Variants in ABCC2 observed in about 807,000 individuals in gnomAD.
ABCC2 encodes ATP-binding cassette sub-family C member 2.
A neutral mutation model predicts 173.4 loss-of-function variants in ABCC2; 157 were observed. That is an observed-to-expected ratio of 0.91 (90% CI 0.80 to 1.03). ABCC2 has a LOEUF of 1.03. ABCC2 is among the 50% of genes least tolerant of loss of function. The pLI is 0.00. For synonymous variants in ABCC2, 657 were observed against 693.5 expected, an observed-to-expected ratio of 0.95 and a Z score of 0.83; for missense variants, 1,822 against 1,852.3, an observed-to-expected ratio of 0.98 and a Z score of 0.30.
At chr10:99,848,638 C>A (rs890314049) in intron 30 of ABCC2, among the ~76,000 whole-genome samples, 8 of 152,172 alleles carry the variant, frequency 5.3e-5, no homozygotes, top group African/African-American at 1.7e-4. Flanking sequence ...AGCAAGATTC[C>A]CAGGTGATTT....
chr10:99,850,924 CTT>C, intron 31 of ABCC2, 128 bp downstream of exon 31: 2 of 1,198,894 alleles, frequency 1.7e-6, no homozygotes, highest in Non-Finnish European at 2.4e-6. Context: ...GAAACTGAGA[CTT>C]AGAGATGTCA....
intron 2 of ABCC2, among the ~76,000 whole-genome samples, chr10:99,791,857 T>C (rs1159386699): frequency 6.6e-6 from 1 of 152,206 alleles, no homozygotes; most frequent in African/African-American, 2.4e-5. Context: ...TCCACATTGC[T>C]TTTTTATGCC....
intron 26 of ABCC2, among the ~76,000 whole-genome samples, chr10:99,843,165 C>G (rs2038971135): frequency 6.6e-6 from 1 of 152,134 alleles, no homozygotes; most frequent in Non-Finnish European, 1.5e-5. Context: ...CCCTTTCATA[C>G]CCCCATTTCT....
rs570053492 is a variant in ABCC2 at position 99,849,161 on chromosome 10, C to T, written c.4314-1441C>T. ...AGGAGAATCGCTTGAACCCGGGTGG[C>T]GGAGGTTGTGGTGAGCTGAGATTGC... On this transcript the variant is annotated intron_variant, in intron 30 of 31. Coordinates refer to ENST00000647814, the MANE Select transcript of ABCC2 (RefSeq NM_000392.5). Among the ~76,000 whole-genome samples the T allele has an allele frequency of 7.2e-5, 11 of 152,264 alleles. No homozygotes were observed. The East Asian group carries it at 1.4e-3, about 19-fold the overall frequency.
chr10:99,832,833 G>A (rs2038762523), intron 23 of ABCC2, among the ~76,000 whole-genome samples: 1 of 152,160 alleles, frequency 6.6e-6, no homozygotes, highest in African/African-American at 2.4e-5. Flanking sequence ...AACCGTTATT[G>A]AGCACTTTCT....
At position 99,850,719 on chromosome 10, in the gene ABCC2, G is replaced by A. The variant is rs146718433; in HGVS notation, c.4431G>A (p.Thr1477=). The A allele has an allele frequency of 9.3e-6, 15 of 1,614,032 alleles. No individual in the cohort carries two copies. The highest frequency in any genetic ancestry group is 5.3e-5 in the African/African-American group (4 of 74,924). The change falls in exon 31 of 32, where the codon ACG becomes ACA. Residue 1477 remains threonine, a synonymous_variant. Transcript: ENST00000647814. ...TAGAGACAGACAACCTCATTCAGACGACCATCCAAAACGAGTTCGCCCACT... is the reference window on the plus strand; with the variant it reads ...TAGAGACAGACAACCTCATTCAGACAACCATCCAAAACGAGTTCGCCCACT... ...VDLETDNLIQ[T]TIQNEFAHCT... is the part of the protein sequence containing the mutation.
chr10:99,812,536 G>A (rs2038233814), intron 15 of ABCC2, among the ~76,000 whole-genome samples: 1 of 152,170 alleles, frequency 6.6e-6, no homozygotes. Context: ...AAATGTTCCA[G>A]GTGACACATT....
Position 99,847,148 on chromosome 10 carries a change from A to C in ABCC2, c.4313+21A>C, listed in dbSNP as rs201268485. 3.8e-5 allele frequency: 62 copies of C among 1,613,284 alleles called. 1 individual carries two copies. The Admixed American group carries it at 8.7e-4, about 23-fold the overall frequency. ...CTGAGGTAATGTTCCATAGCCTGCTACCCCTGCAGGCAATGAGAGGATGTG... is the reference window on the plus strand; with the variant it reads ...CTGAGGTAATGTTCCATAGCCTGCTCCCCCTGCAGGCAATGAGAGGATGTG... On this transcript the variant is annotated intron_variant, in intron 30 of 31. Coordinates refer to ENST00000647814, the MANE Select transcript of ABCC2 (RefSeq NM_000392.5).
intron 16 of ABCC2, among the ~76,000 whole-genome samples, chr10:99,814,394 G>T (rs1188911238): frequency 7.7e-6 from 1 of 129,808 alleles, no homozygotes; most frequent in Non-Finnish European, 1.7e-5. Context: ...TACATATATG[G>T]GTATATATAC....
chr10:99,807,662 C>A, intron 12 of ABCC2, 141 bp downstream of exon 12: 1 of 1,222,952 alleles, frequency 8.2e-7, no homozygotes, highest in East Asian at 2.4e-5. Context: ...TCTCACCGCC[C>A]CATGCCACTT....
chr10:99,820,529 G>A (rs1285695260), intron 19 of ABCC2, among the ~76,000 whole-genome samples: 4 of 152,158 alleles, frequency 2.6e-5, no homozygotes, highest in Non-Finnish European at 4.4e-5. Flanking sequence ...AGGCCAAGGC[G>A]GAAGGATCAC....
chr10:99,799,191 T>C lies in ABCC2; in HGVS notation c.868-16T>C, dbSNP rs768001720. The C allele has an allele frequency of 1.9e-6, 3 of 1,613,658 alleles. No homozygotes were observed. Among genetic ancestry groups the C allele is most frequent in the African/African-American group, 2.7e-5 (2 of 74,892 alleles). On this transcript the variant is annotated splice_polypyrimidine_tract_variant and intron_variant, in intron 7 of 31. Transcript: ENST00000647814. ...GACATAACTCTGTGGACACTGTTGT[T>C]TGGTTTTGTACCTAGGAAGATGTTG...
At chr10:99,809,454 T>C (rs2038171559) in intron 13 of ABCC2, among the ~76,000 whole-genome samples, 1 of 152,136 alleles carries the variant, frequency 6.6e-6, no homozygotes, top group Non-Finnish European at 1.5e-5. Context: ...AGCAGTTAAG[T>C]GGTTCTATAG....
intron 1 of ABCC2, among the ~76,000 whole-genome samples, chr10:99,783,723 C>T (rs1025772137): frequency 1.1e-4 from 16 of 152,108 alleles, no homozygotes; most frequent in African/African-American, 3.6e-4. Context: ...GGCAGCACCT[C>T]GTGTCTTAGA....
chr10:99,797,242 C>G lies in ABCC2; in HGVS notation c.778C>G (p.Arg260Gly). 1 of 1,614,062 alleles carries G rather than the reference C, an allele frequency of 6.2e-7. No individual in the cohort carries two copies. Among genetic ancestry groups the G allele is most frequent in the Non-Finnish European group, 8.5e-7 (1 of 1,179,988 alleles). ...GAAAGCCAGGCGGGCACTCCAGAGACGGCAGGAGAAGAGCTCCCAGCAGAA... is the reference window on the plus strand; with the variant it reads ...GAAAGCCAGGCGGGCACTCCAGAGAGGGCAGGAGAAGAGCTCCCAGCAGAA... Reference protein sequence around the residue: ...LQKARRALQRRQEKSSQQNSG... With the variant: ...LQKARRALQRGQEKSSQQNSG... Residue 260 changes from arginine (R) to glycine (G), a missense_variant, in exon 7 of 32, where the codon CGG becomes GGG. By Grantham distance (125) the Arg-to-Gly change is moderately radical. Transcript: ENST00000647814.
intron 19 of ABCC2, among the ~76,000 whole-genome samples, chr10:99,827,331 T>G (rs1350636481): frequency 1.3e-5 from 2 of 152,062 alleles, no homozygotes; most frequent in East Asian, 3.8e-4. Context: ...TCCTTCTAAT[T>G]TTAACGTTTC....
chr10:99,831,000 G>T, intron 21 of ABCC2, 149 bp downstream of exon 21: 1 of 880,426 alleles, frequency 1.1e-6, no homozygotes. Flanking sequence ...TAACCTGTTA[G>T]CAGAGGCTGT....
At position 99,837,302 on chromosome 10, in the gene ABCC2, A is replaced by AT. The variant is rs554493367; in HGVS notation, c.3614+1020dup. 3.8e-3 allele frequency among the ~76,000 whole-genome samples: 392 copies of AT among 102,140 alleles called. 1 individual carries two copies. The highest frequency in any genetic ancestry group is 0.012 in the African/African-American group (323 of 26,270). 67.0% of individuals were successfully genotyped at this position (102,140 alleles called of 152,430 possible). A position where few individuals can be genotyped will look rare whatever the true frequency, so the allele number is the denominator to read the frequency against. On this transcript the variant is annotated intron_variant, in intron 25 of 31. Coordinates refer to ENST00000647814, the MANE Select transcript of ABCC2 (RefSeq NM_000392.5). The stretch of plus-strand genomic sequence containing the variant: ...AGGCATGCACCACCACGCCCAGCTA[A>AT]TTTTTTTTATTTTTAGTAGAGACGG...
At chr10:99,845,178 C>A (rs192644653) in intron 28 of ABCC2, among the ~76,000 whole-genome samples, 26 of 152,086 alleles carry the variant, frequency 1.7e-4, no homozygotes, top group African/African-American at 6.0e-4. Flanking sequence ...TACAGGTGCA[C>A]GCCACCATGT....
Sources: gnomAD v4.1 joint callset for allele counts (sites outside exome capture counted in the v4.1 genomes callset) on GRCh38, gnomAD v4.1.1 for gene constraint, MANE v1.5 for transcripts, NCBI Gene and HGNC (gene_info 2026-07-23, HGNC 2026-07-21) for gene names.